CCDC181: variants seen among roughly 807,000 people sequenced by gnomAD.
The protein encoded by CCDC181 is coiled-coil domain-containing protein 181.
Under a neutral mutation model 58.7 loss-of-function variants are expected in CCDC181, and 35 were observed. That is an observed-to-expected ratio of 0.60 (90% CI 0.46 to 0.79). The LOEUF (loss-of-function observed/expected upper bound fraction) is 0.79, where lower values mean the gene tolerates loss of function less well. CCDC181 is among the 30% of genes least tolerant of loss of function. The pLI, the probability that CCDC181 is intolerant of heterozygous loss-of-function variation, is 0.00. For missense variants in CCDC181, 517 were observed against 583.9 expected (o/e 0.89, Z 1.18); for synonymous variants, 183 against 197.5 (o/e 0.93, Z 0.62).
chr1:169,441,662 C>T (rs1406217150), intron 2 of CCDC181, among the ~76,000 whole-genome samples: 1 of 151,784 alleles, frequency 6.6e-6, no homozygotes, highest in Non-Finnish European at 1.5e-5. Flanking sequence ...GTACATGAAG[C>T]AAAGGAAGCT....
chr1:169,401,690 A>C (rs2102045584), intron 4 of CCDC181, among the ~76,000 whole-genome samples: 1 of 152,328 alleles, frequency 6.6e-6, no homozygotes. Context: ...AAGACCACAA[A>C]GATGGGGAGA....
At chr1:169,458,618 T>C (rs775344304) in intron 2 of CCDC181, among the ~76,000 whole-genome samples, 10 of 152,170 alleles carry the variant, frequency 6.6e-5, no homozygotes, top group African/African-American at 1.2e-4. Context: ...TCTCTTTAGG[T>C]TCTTTTTCAA....
chr1:169,414,348 T>C (rs887823357), intron 4 of CCDC181, among the ~76,000 whole-genome samples: 7 of 152,048 alleles, frequency 4.6e-5, no homozygotes, highest in African/African-American at 1.7e-4. Context: ...AAAGGAGAAA[T>C]AGGCAAGGGC....
chr1:169,457,030 T>G (rs1157664608), intron 2 of CCDC181, among the ~76,000 whole-genome samples: 1 of 152,144 alleles, frequency 6.6e-6, no homozygotes, highest in Non-Finnish European at 1.5e-5. Flanking sequence ...GGGTACACAA[T>G]TTTAGGTAGG....
At chr1:169,456,082 C>T (rs937058075) in intron 2 of CCDC181, among the ~76,000 whole-genome samples, 1 of 152,058 alleles carries the variant, frequency 6.6e-6, no homozygotes, top group Non-Finnish European at 1.5e-5. Context: ...TCTTAGATGG[C>T]CATTTCAGCC....
intron 4 of CCDC181, among the ~76,000 whole-genome samples, chr1:169,402,032 G>C (rs377539894): frequency 1.3e-5 from 2 of 152,238 alleles, no homozygotes; most frequent in East Asian, 3.9e-4. Flanking sequence ...TAGCCAATTT[G>C]ATCAAGTGGA....
intron 2 of CCDC181, among the ~76,000 whole-genome samples, chr1:169,448,066 C>T (rs1280836474): frequency 6.6e-6 from 1 of 152,132 alleles, no homozygotes; most frequent in Non-Finnish European, 1.5e-5. Flanking sequence ...AAACTAACTT[C>T]AAATAACAGT....
chr1:169,421,152 T>A (rs1656436400), intron 3 of CCDC181, among the ~76,000 whole-genome samples: 2 of 152,206 alleles, frequency 1.3e-5, no homozygotes, highest in South Asian at 4.1e-4. Context: ...CAGATCAGTC[T>A]ACTATTCTTT....
intron 4 of CCDC181, among the ~76,000 whole-genome samples, chr1:169,414,943 T>C (rs1226806651): frequency 1.3e-5 from 2 of 152,192 alleles, no homozygotes; most frequent in Admixed American, 1.3e-4. Context: ...TTAAAATATA[T>C]TTTTGAGACA....
At chr1:169,418,965 C>G (rs760847459) in intron 4 of CCDC181, 48 bp downstream of exon 4, 9 of 1,479,532 alleles carry the variant, frequency 6.1e-6, no homozygotes, top group African/African-American at 4.2e-5. Context: ...TAAATAAGTT[C>G]AGCTTTCATA....
chr1:169,458,175 G>GTTTTTT (rs369111049), intron 2 of CCDC181, among the ~76,000 whole-genome samples: 1 of 126,896 alleles, frequency 7.9e-6, no homozygotes, highest in Non-Finnish European at 1.6e-5. Flanking sequence ...AGTAATTTTT[G>GTTTTTT]TTTTTTTTTT....
At chr1:169,452,224 G>A (rs1657560926) in intron 2 of CCDC181, among the ~76,000 whole-genome samples, 1 of 151,954 alleles carries the variant, frequency 6.6e-6, no homozygotes, top group African/African-American at 2.4e-5. Flanking sequence ...TAACCAGTGA[G>A]GTAAAGAAAA....
chr1:169,457,406 AT>A (rs1375551858), intron 2 of CCDC181, among the ~76,000 whole-genome samples: 4 of 151,988 alleles, frequency 2.6e-5, no homozygotes, highest in Admixed American at 1.3e-4. Context: ...CTCTTCTTAT[AT>A]TTTTTAATCT....
intron 2 of CCDC181, among the ~76,000 whole-genome samples, chr1:169,458,183 T>TG (rs77413527): frequency 2.1e-5 from 3 of 141,646 alleles, no homozygotes; most frequent in African/African-American, 2.6e-5. Context: ...TTGTTTTTTT[T>TG]TTTTTGTTTT....
intron 4 of CCDC181, among the ~76,000 whole-genome samples, chr1:169,398,397 G>GA: frequency 6.6e-6 from 1 of 152,264 alleles, no homozygotes; most frequent in East Asian, 1.9e-4. Context: ...ATAAATATGT[G>GA]AAATTATGTG....
chr1:169,460,036 G>A (rs2101766430), intron 1 of CCDC181, among the ~76,000 whole-genome samples: 1 of 152,056 alleles, frequency 6.6e-6, no homozygotes, highest in African/African-American at 2.4e-5. Flanking sequence ...TAACATTTCA[G>A]CATTTGGGAC....
At chr1:169,395,829 TTGTGTGTG>T (rs140900103) in intron 5 of CCDC181, 1 of 149,082 alleles carries the variant, frequency 6.7e-6, no homozygotes, top group Admixed American at 6.7e-5. Flanking sequence ...TGTGGTATGT[TTGTGTGTG>T]TGTGTGTGTG....
Position 169,434,447 on chromosome 1 carries a change from A to C in CCDC181, c.-23-9497T>G, listed in dbSNP as rs571671329. ...CATTTCCGAGCATATACCCAAAATA[A>C]TCACAAGCAGGATCTTGAAAAAAAT... On this transcript the variant is annotated intron_variant, in intron 2 of 6. Transcript: ENST00000545005. Among the ~76,000 whole-genome samples, 16 of 152,096 alleles carry C rather than the reference A, an allele frequency of 1.1e-4. No individual in the cohort carries two copies. In the South Asian group the frequency reaches 3.3e-3, roughly 32 times the overall value.
rs751077918 is a variant in CCDC181, at chr1:169,422,275, T to C, written c.156A>G (p.Leu52=). 1.9e-6 allele frequency: 3 copies of C among 1,589,534 alleles called. No homozygotes were observed. Among genetic ancestry groups the C allele is most frequent in the Non-Finnish European group, 2.6e-6 (3 of 1,162,200 alleles). Residue 52 remains leucine, a synonymous_variant, in exon 3 of 6, where the codon TTA becomes TTG. Transcript: ENST00000367806. ...GCTCCATTACTGTCTCATTCTCTTTTAAGTCTTGGTTAATATTCTCTTCCT... is the reference window on the plus strand; with the variant it reads ...GCTCCATTACTGTCTCATTCTCTTTCAAGTCTTGGTTAATATTCTCTTCCT... ...CEKEENINQD[L]KENETVMEHT...
Sources: allele counts gnomAD v4.1 joint callset (sites outside exome capture counted in the v4.1 genomes callset), GRCh38; gene constraint gnomAD v4.1.1; transcripts MANE v1.5; gene names NCBI Gene and HGNC (gene_info 2026-07-23, HGNC 2026-07-21).